Variants in MAP7 observed in about 807,000 individuals in gnomAD.
MAP7 encodes ensconsin.
In MAP7, 52 loss-of-function variants were observed where a neutral mutation model predicts 94.8. That is an observed-to-expected ratio of 0.55 (90% CI 0.44 to 0.69). MAP7 has a LOEUF of 0.69. Among genes scored for constraint, MAP7 ranks in the 30% least tolerant of loss-of-function variants. The pLI, the probability that MAP7 is intolerant of heterozygous loss-of-function variation, is 0.00. For synonymous variants in MAP7, 350 were observed against 357.0 expected, an observed-to-expected ratio of 0.98 and a Z score of 0.22; for missense variants, 940 against 964.6, an observed-to-expected ratio of 0.97 and a Z score of 0.34.
chr6:136,414,516 GC>G (rs1429694239), intron 2 of MAP7, among the ~76,000 whole-genome samples: 2 of 151,974 alleles, frequency 1.3e-5, no homozygotes, highest in African/African-American at 4.8e-5. Flanking sequence ...GAAAATGGTG[GC>G]CGTAGTAAAA....
intron 1 of MAP7, among the ~76,000 whole-genome samples, chr6:136,506,220 G>T (rs1228348447): frequency 6.6e-6 from 1 of 152,114 alleles, no homozygotes; most frequent in Non-Finnish European, 1.5e-5. Context: ...AGGGAGAATT[G>T]AATATACATA....
At chr6:136,526,745 T>C in intron 1 of MAP7, 1 of 925,846 alleles carries the variant, frequency 1.1e-6, no homozygotes, top group Non-Finnish European at 1.3e-6. Flanking sequence ...GGCTTTTTCT[T>C]CTTTTCTGGG....
chr6:136,445,682 G>A (rs1302753072), intron 1 of MAP7, among the ~76,000 whole-genome samples: 1 of 152,128 alleles, frequency 6.6e-6, no homozygotes, highest in Non-Finnish European at 1.5e-5. Flanking sequence ...AGGAGTGAGA[G>A]ATCTTGAACT....
At chr6:136,433,064 G>A (rs551946262) in intron 1 of MAP7, among the ~76,000 whole-genome samples, 5 of 151,956 alleles carry the variant, frequency 3.3e-5, no homozygotes, top group Non-Finnish European at 7.4e-5. Flanking sequence ...TCTATTACAT[G>A]GTTAGGAAAT....
At chr6:136,497,963 A>G (rs1818787903) in intron 1 of MAP7, among the ~76,000 whole-genome samples, 1 of 151,994 alleles carries the variant, frequency 6.6e-6, no homozygotes, top group Non-Finnish European at 1.5e-5. Context: ...GGAGAAAGGC[A>G]TTAGACCTGA....
At chr6:136,392,117 G>A (rs1780941582) in intron 3 of MAP7, among the ~76,000 whole-genome samples, 1 of 152,090 alleles carries the variant, frequency 6.6e-6, no homozygotes, top group African/African-American at 2.4e-5. Context: ...TCACTCTGTT[G>A]CCCAGGCTGG....
At chr6:136,375,797 G>T (rs555443966) in intron 7 of MAP7, among the ~76,000 whole-genome samples, 3 of 152,268 alleles carry the variant, frequency 2.0e-5, no homozygotes, top group African/African-American at 7.2e-5. Context: ...ATATCAACTT[G>T]TGAAAAGGAG....
intron 1 of MAP7, among the ~76,000 whole-genome samples, chr6:136,454,282 T>TCTAC (rs1302952888): frequency 6.7e-6 from 1 of 149,334 alleles, no homozygotes; most frequent in Non-Finnish European, 1.5e-5. Flanking sequence ...GATCTATCTA[T>TCTAC]CTATCTATCT....
intron 3 of MAP7, among the ~76,000 whole-genome samples, chr6:136,391,044 A>G (rs571132807): frequency 6.6e-6 from 1 of 152,318 alleles, no homozygotes; most frequent in African/African-American, 2.4e-5. Context: ...TCATTGTTCT[A>G]AGGAAATTCT....
chr6:136,381,762 C>T (rs569682574), intron 6 of MAP7, among the ~76,000 whole-genome samples: 1 of 151,996 alleles, frequency 6.6e-6, no homozygotes, highest in East Asian at 1.9e-4. Context: ...ATTTTCTGGG[C>T]CTCTACCATG....
At chr6:136,531,147 G>A (rs3799465) in intron 1 of MAP7, among the ~76,000 whole-genome samples, 19,330 of 144,462 alleles carry the variant, frequency 0.13, 2,427 homozygotes, top group East Asian at 0.17. Context: ...TTATTAATGT[G>A]CACTACATGA....
intron 3 of MAP7, among the ~76,000 whole-genome samples, chr6:136,411,174 A>G (rs1385959240): frequency 1.3e-5 from 2 of 152,224 alleles, no homozygotes; most frequent in Non-Finnish European, 2.9e-5. Context: ...GGGTAATAAG[A>G]GAAAAATCAG....
intron 1 of MAP7, among the ~76,000 whole-genome samples, chr6:136,538,886 A>C (rs1025558698): frequency 4.0e-5 from 6 of 151,152 alleles, no homozygotes; most frequent in Non-Finnish European, 8.8e-5. Flanking sequence ...CTCACAGGCC[A>C]GTGTACAGCA....
intron 15 of MAP7, 86 bp downstream of exon 15, chr6:136,359,734 C>T: frequency 1.6e-6 from 2 of 1,282,838 alleles, no homozygotes; most frequent in Non-Finnish European, 2.2e-6. Context: ...TTTTTTCCCT[C>T]CATCAATTCC....
chr6:136,428,204 A>C (rs1259030880), intron 1 of MAP7, among the ~76,000 whole-genome samples: 2 of 152,198 alleles, frequency 1.3e-5, no homozygotes, highest in African/African-American at 4.8e-5. Context: ...GTCAAGGTCT[A>C]TACATGAGAT....
chr6:136,459,350 G>T (rs781250271), intron 1 of MAP7, among the ~76,000 whole-genome samples: 1 of 152,016 alleles, frequency 6.6e-6, no homozygotes, highest in Admixed American at 6.6e-5. Context: ...ACAGTATAAA[G>T]GTTCCTCAAA....
intron 1 of MAP7, among the ~76,000 whole-genome samples, chr6:136,428,469 G>A (rs1793909673): frequency 6.6e-6 from 1 of 152,030 alleles, no homozygotes; most frequent in African/African-American, 2.4e-5. Flanking sequence ...GCAGTGATCC[G>A]AGATCCCGCC....
At chr6:136,440,521 A>G (rs1295005333) in intron 1 of MAP7, among the ~76,000 whole-genome samples, 7 of 152,188 alleles carry the variant, frequency 4.6e-5, no homozygotes, top group African/African-American at 1.7e-4. Flanking sequence ...TTATAAACCC[A>G]ACTAGAAAAC....
At position 136,469,535 on chromosome 6, in the gene MAP7, C is replaced by A. The variant is rs987163314; in HGVS notation, c.68-47736G>T. On this transcript the variant is annotated intron_variant, in intron 1 of 17. Coordinates refer to ENST00000354570, the MANE Select transcript of MAP7 (RefSeq NM_003980.6). ...TAGCTGGGACCACAGGGGCATGCCA[C>A]CATGCCCAGCTTTTTTGGAGGGGGG... Among the ~76,000 whole-genome samples the A allele has an allele frequency of 1.6e-4, 24 of 152,118 alleles. 1 individual carries two copies. The highest frequency in any genetic ancestry group is 5.8e-4 in the African/African-American group (24 of 41,408).
Sources: gnomAD v4.1 joint callset for allele counts (sites outside exome capture counted in the v4.1 genomes callset) on GRCh38, gnomAD v4.1.1 for gene constraint, MANE v1.5 for transcripts, NCBI Gene and HGNC (gene_info 2026-07-23, HGNC 2026-07-21) for gene names.